Variants in ANKRD26 observed in about 807,000 individuals in gnomAD.
ANKRD26 encodes ankyrin repeat domain-containing protein 26.
A neutral mutation model predicts 208.7 loss-of-function variants in ANKRD26; 141 were observed. That is an observed-to-expected ratio of 0.68 (90% CI 0.59 to 0.78). The LOEUF (loss-of-function observed/expected upper bound fraction) is 0.78. Ranked by LOEUF, ANKRD26 falls within the 30% of genes least tolerant of loss-of-function variation. The pLI, the probability that ANKRD26 is intolerant of heterozygous loss-of-function variation, is 0.00. For synonymous variants in ANKRD26, 636 were observed against 660.4 expected (o/e 0.96, Z 0.57); for missense variants, 1,889 against 1,938.7 (o/e 0.97, Z 0.48).
At chr10:27,055,694 T>G (rs2054814763) in intron 15 of ANKRD26, among the ~76,000 whole-genome samples, 1 of 152,122 alleles carries the variant, frequency 6.6e-6, no homozygotes, top group Non-Finnish European at 1.5e-5. Flanking sequence ...AACTATTCAT[T>G]AAAACAAGGT....
intron 16 of ANKRD26, chr10:27,051,760 C>T (rs1045413734): frequency 6.3e-5 from 62 of 985,288 alleles, no homozygotes; most frequent in East Asian, 1.1e-4. Flanking sequence ...TCTTTTTCAT[C>T]GCAATCAAGT....
intron 21 of ANKRD26, among the ~76,000 whole-genome samples, chr10:27,038,759 A>G (rs2054129391): frequency 6.6e-6 from 1 of 152,188 alleles, no homozygotes; most frequent in Non-Finnish European, 1.5e-5. Flanking sequence ...TATAAATCCA[A>G]TAGAAATATA....
At chr10:27,098,478 A>T (rs190120929) in intron 1 of ANKRD26, among the ~76,000 whole-genome samples, 1 of 152,218 alleles carries the variant, frequency 6.6e-6, no homozygotes, top group Admixed American at 6.5e-5. Context: ...ACTTTTATAC[A>T]TACTCATTGC....
In ANKRD26 at chr10:27,059,956, T is replaced by C. The variant is rs1172606750; in HGVS notation, c.1564+389A>G. ...GGCTCATGCCTGTAATCCCAGAATT[T>C]TGGGAGGCCGAGGCGGGTGGATCAC... On this transcript the variant is annotated intron_variant, in intron 15 of 33. Coordinates refer to ENST00000376087, the MANE Select transcript of ANKRD26 (RefSeq NM_014915.3). Among the ~76,000 whole-genome samples, 3 of 151,798 alleles carry C rather than the reference T, an allele frequency of 2.0e-5. No homozygotes were observed. In the East Asian group the frequency reaches 5.9e-4, roughly 30 times the overall value.
In ANKRD26 at chr10:27,100,427, C is replaced by G; in HGVS notation, c.-101G>C. The stretch of plus-strand genomic sequence containing the variant: ...AGTCAGCCCCGGCTGGCCGCAGCCT[C>G]CCAAAGGAAACTCCGCGGTTTCCAA... On this transcript the variant is annotated 5_prime_UTR_variant, in exon 1 of 34. Coordinates refer to ENST00000376087, the MANE Select transcript of ANKRD26 (RefSeq NM_014915.3). 6.5e-7 allele frequency: 1 copy of G among 1,530,728 alleles called. No individual in the cohort carries two copies. Among genetic ancestry groups the G allele is most frequent in the Non-Finnish European group, 8.7e-7 (1 of 1,145,084 alleles). The allele number at this position is 1,530,728 out of a possible 1,614,324, so 94.8% of individuals were successfully genotyped here.
At chr10:27,046,992 AAG>A (rs2054471337) in intron 17 of ANKRD26, among the ~76,000 whole-genome samples, 1 of 152,118 alleles carries the variant, frequency 6.6e-6, no homozygotes, top group Non-Finnish European at 1.5e-5. Flanking sequence ...TTGAAAGAAA[AAG>A]AGAAAGAAAC....
intron 5 of ANKRD26, among the ~76,000 whole-genome samples, chr10:27,084,151 T>G (rs1428708300): frequency 6.8e-6 from 1 of 146,580 alleles, no homozygotes; most frequent in Non-Finnish European, 1.5e-5. Context: ...AGGCGGAGGT[T>G]GCAGTGAGCC....
In ANKRD26 at chr10:27,043,427, T is replaced by A. The variant is rs1465611677; in HGVS notation, c.2160A>T (p.Lys720Asn). 12 of 1,613,970 alleles carry A rather than the reference T, an allele frequency of 7.4e-6. No individual in the cohort carries two copies. The highest frequency in any genetic ancestry group is 1.0e-5 in the Non-Finnish European group (12 of 1,179,910). The stretch of plus-strand genomic sequence containing the variant: ...CTTAAATTTATGCAATGGTCCTACC[T>A]TTACACTCCATTCCAAGTTGTTCAA... ...LLIEQLGMEC[K>N]DSVSLLKIQD... is the part of the protein sequence containing the mutation. The change falls in exon 20 of 34, where the codon AAA (lysine) becomes AAT (asparagine). Residue 720 changes from lysine to asparagine, a missense_variant and splice_region_variant. Lys to Asn is a moderately conservative substitution (Grantham distance 94). This residue lies in a region of ANKRD26 where 1,272 missense variants were observed against 1,273.8 expected (regional missense o/e 1.00). Transcript: ENST00000376087.
the ANKRD26 span, among the ~76,000 whole-genome samples, chr10:26,949,084 T>G: frequency 6.6e-6 from 1 of 152,266 alleles, no homozygotes; most frequent in South Asian, 2.1e-4. Context: ...TTTATTATGC[T>G]CCTAGAGTTT....
At chr10:27,033,475 A>G in intron 24 of ANKRD26, 98 bp from the exon 25 acceptor site, 6 of 1,237,940 alleles carry the variant, frequency 4.8e-6, no homozygotes, top group Middle Eastern at 2.8e-4. Context: ...TGACATATAC[A>G]ACTTAAAAAA....
intron 16 of ANKRD26, chr10:27,052,135 T>A (rs2054684207): frequency 1.0e-6 from 1 of 984,012 alleles, no homozygotes; most frequent in Admixed American, 6.1e-5. Flanking sequence ...GTTTTTAAAA[T>A]AACTTTATCC....
chr10:27,029,341 C>T lies in ANKRD26; in HGVS notation c.3823G>A (p.Asp1275Asn). The T allele has an allele frequency of 6.2e-7, 1 of 1,612,516 alleles. No homozygotes were observed. The highest frequency in any genetic ancestry group is 8.5e-7 in the Non-Finnish European group (1 of 1,179,126). Reference sequence around the variant, plus strand: ...CATCTGACAGCTTCTGTATGTCGATCCTGTGCTTCTTGCAACTAAAACAAA... The same window carrying T: ...CATCTGACAGCTTCTGTATGTCGATTCTGTGCTTCTTGCAACTAAAACAAA... ...QIRNQLQEAQ[D>N]RHTEAVRCAE... Residue 1275 changes from aspartate to asparagine, a missense_variant, in exon 26 of 34, where the codon GAT (aspartate) becomes AAT (asparagine). Asp to Asn is a conservative substitution (Grantham distance 23). Transcript: ENST00000376087.
chr10:27,064,506 A>G (rs1456559673), intron 11 of ANKRD26, among the ~76,000 whole-genome samples: 1 of 152,246 alleles, frequency 6.6e-6, no homozygotes, highest in African/African-American at 2.4e-5. Context: ...ATTTTAAAAA[A>G]TAGAATACAC....
chr10:26,963,142 C>A, the ANKRD26 span, among the ~76,000 whole-genome samples: 4 of 152,186 alleles, frequency 2.6e-5, no homozygotes, highest in South Asian at 8.3e-4. Context: ...CCAGATGGTT[C>A]TTTACTCCAA....
Position 27,100,424 on chromosome 10 carries a change from C to A in ANKRD26, c.-98G>T. ...ACAAGTCAGCCCCGGCTGGCCGCAG[C>A]CTCCCAAAGGAAACTCCGCGGTTTC... On this transcript the variant is annotated 5_prime_UTR_variant, in exon 1 of 34. Coordinates refer to ENST00000376087, the MANE Select transcript of ANKRD26 (RefSeq NM_014915.3). 2 of 1,545,038 alleles carry A rather than the reference C, an allele frequency of 1.3e-6. No individual in the cohort carries two copies. The highest frequency in any genetic ancestry group is 1.7e-6 in the Non-Finnish European group (2 of 1,152,440).
downstream of ANKRD26, among the ~76,000 whole-genome samples, chr10:26,989,743 G>C (rs1306418509): frequency 2.0e-5 from 3 of 152,162 alleles, no homozygotes; most frequent in African/African-American, 7.2e-5. Flanking sequence ...GAATCATCAG[G>C]AGGTAGGGTC....
chr10:26,963,114 A>G, the ANKRD26 span, among the ~76,000 whole-genome samples: 1 of 152,178 alleles, frequency 6.6e-6, no homozygotes, highest in Non-Finnish European at 1.5e-5. Flanking sequence ...CAGAATAATG[A>G]TTATAATCAG....
chr10:26,949,416 T>C, the ANKRD26 span, among the ~76,000 whole-genome samples: 21 of 134,076 alleles, frequency 1.6e-4, no homozygotes, highest in Non-Finnish European at 3.1e-4. Flanking sequence ...TAGTAGTAAC[T>C]CCTAATGTAT....
chr10:27,026,502 C>T (rs2053663227), intron 27 of ANKRD26, among the ~76,000 whole-genome samples: 1 of 152,174 alleles, frequency 6.6e-6, no homozygotes, highest in South Asian at 2.1e-4. Flanking sequence ...AAAAACTTGT[C>T]AATGTTTCTT....
Sources: allele counts gnomAD v4.1 joint callset (sites outside exome capture counted in the v4.1 genomes callset), GRCh38; gene constraint gnomAD v4.1.1; regional missense constraint gnomAD v4.1.1; transcripts MANE v1.5; gene names NCBI Gene and HGNC (gene_info 2026-07-23, HGNC 2026-07-21).